Variants in PUM1 observed in about 807,000 individuals in gnomAD.
PUM1 encodes pumilio homolog 1.
PUM1 carries 13 observed loss-of-function variants against 131.8 expected under a neutral mutation model. The ratio of observed to expected loss-of-function variants is 0.10; its 90% CI spans 0.06 to 0.16. The LOEUF (loss-of-function observed/expected upper bound fraction) is 0.16. Among genes scored for constraint, PUM1 ranks in the 10% least tolerant of loss-of-function variants. The probability of loss-of-function intolerance (pLI) is 1.00; values close to 1 mark genes in which losing one functional copy is unlikely to be tolerated. For missense variants in PUM1, 961 were observed against 1,512.4 expected, an observed-to-expected ratio of 0.64 and a Z score of 6.05; for synonymous variants, 509 against 556.5, an observed-to-expected ratio of 0.91 and a Z score of 1.20.
intron 4 of PUM1, 75 bp downstream of exon 4, chr1:31,006,919 A>C: frequency 1.7e-6 from 2 of 1,147,858 alleles, no homozygotes; most frequent in Non-Finnish European, 2.6e-6. Flanking sequence ...TGTAAAATTC[A>C]TGACTTGCCA....
At chr1:30,979,452 A>C (rs1381814583) in intron 9 of PUM1, among the ~76,000 whole-genome samples, 1 of 152,188 alleles carries the variant, frequency 6.6e-6, no homozygotes, top group Admixed American at 6.5e-5. Flanking sequence ...TCCCAACCCT[A>C]GCTAACCCAC....
chr1:30,935,307 C>T (rs1296417021), intron 21 of PUM1, among the ~76,000 whole-genome samples: 1 of 152,228 alleles, frequency 6.6e-6, no homozygotes, highest in Non-Finnish European at 1.5e-5. Flanking sequence ...AGGGTCATCA[C>T]TCTATTAAGT....
intron 5 of PUM1, among the ~76,000 whole-genome samples, chr1:31,001,927 G>C (rs950903666): frequency 6.6e-6 from 1 of 152,192 alleles, no homozygotes; most frequent in Non-Finnish European, 1.5e-5. Flanking sequence ...TTGTCAAAAT[G>C]CAGATTTTGA....
At chr1:30,969,316 C>CAAAAAAAAAAAAAAAAAAAAA (rs763999971) in intron 10 of PUM1, among the ~76,000 whole-genome samples, 3 of 51,178 alleles carry the variant, frequency 5.9e-5, no homozygotes, top group East Asian at 5.1e-4. Context: ...AACACACACA[C>CAAAAAAAAAAAAAAAAAAAAA]AAAAAAAAAA....
At chr1:31,004,556 G>A (rs1321858866) in intron 5 of PUM1, among the ~76,000 whole-genome samples, 1 of 152,202 alleles carries the variant, frequency 6.6e-6, no homozygotes. Context: ...CCCTTGGGAA[G>A]GTTCAAATAA....
At position 30,992,449 on chromosome 1, in the gene PUM1, C is replaced by G; in HGVS notation, c.1099G>C (p.Val367Leu). The G allele has an allele frequency of 6.2e-7, 1 of 1,614,188 alleles. No homozygotes were observed. Among genetic ancestry groups the G allele is most frequent in the African/African-American group, 1.3e-5 (1 of 75,062 alleles). Residue 367 changes from valine (V) to leucine (L), a missense_variant, in exon 7 of 22, where the codon GTA becomes CTA. Coordinates refer to ENST00000426105, the MANE Select transcript of PUM1 (RefSeq NM_001020658.2). ...PLQFDYSGTQ[V>L]PVDSAAATVG... ...GTTGCTGCTGCTGAGTCCACAGGTA[C>G]CTGCGTGCCTGAATAATCAAACTGA...
At chr1:30,991,209 A>G (rs1209694249) in intron 7 of PUM1, among the ~76,000 whole-genome samples, 1 of 152,196 alleles carries the variant, frequency 6.6e-6, no homozygotes, top group Admixed American at 6.5e-5. Flanking sequence ...AGAGAAAAAA[A>G]GCACAGAGAG....
chr1:31,014,297 T>A (rs1642728953), intron 3 of PUM1, among the ~76,000 whole-genome samples: 1 of 80,468 alleles, frequency 1.2e-5, no homozygotes, highest in African/African-American at 5.6e-5. Flanking sequence ...CAAGATCCAG[T>A]CTCCAAAAAA....
intron 1 of PUM1, among the ~76,000 whole-genome samples, chr1:31,060,020 G>C (rs754203063): frequency 2.0e-4 from 28 of 140,616 alleles, no homozygotes; most frequent in Non-Finnish European, 3.4e-4. Context: ...CTAATTTTTT[G>C]TATTTTTAGT....
At chr1:31,006,959 C>T in intron 4 of PUM1, 35 bp downstream of exon 4, 2 of 1,513,190 alleles carry the variant, frequency 1.3e-6, no homozygotes, top group South Asian at 1.1e-5. Flanking sequence ...CTAAGACAGG[C>T]ATAAATCACA....
chr1:31,055,307 C>T, intron 2 of PUM1: 1 of 456,060 alleles, frequency 2.2e-6, no homozygotes, highest in South Asian at 1.5e-5. Context: ...AGACCCACTC[C>T]TTTACCTGAG....
chr1:30,934,017 C>T (rs1004851892), intron 21 of PUM1, among the ~76,000 whole-genome samples: 4 of 152,168 alleles, frequency 2.6e-5, no homozygotes, highest in Non-Finnish European at 5.9e-5. Context: ...GGCTCCTCCA[C>T]GAATCAGGTT....
At chr1:30,948,567 G>A (rs1296487196) in intron 17 of PUM1, among the ~76,000 whole-genome samples, 9 of 152,036 alleles carry the variant, frequency 5.9e-5, no homozygotes, top group East Asian at 1.9e-4. Flanking sequence ...CCTGGGCAAC[G>A]TGGTGAAACC....
At chr1:30,964,652 G>C (rs749959261) in intron 14 of PUM1, 22 bp downstream of exon 14, 18 of 1,564,994 alleles carry the variant, frequency 1.2e-5, no homozygotes, top group Non-Finnish European at 1.4e-5. Context: ...GTTCAAGGTG[G>C]TGTTAGAGTA....
intron 3 of PUM1, 73 bp downstream of exon 3, chr1:31,028,723 C>A: frequency 1.7e-6 from 2 of 1,173,946 alleles, no homozygotes; most frequent in Non-Finnish European, 2.6e-6. Context: ...TAGATTTGGA[C>A]ACATTTGATG....
At chr1:31,048,036 C>T (rs1009336132) in intron 2 of PUM1, among the ~76,000 whole-genome samples, 4 of 151,656 alleles carry the variant, frequency 2.6e-5, no homozygotes, top group African/African-American at 9.7e-5. Flanking sequence ...GTCAGGAGAT[C>T]GAGACCCTCC....
At chr1:30,945,536 C>T in intron 17 of PUM1, 53 bp from the exon 18 acceptor site, 2 of 1,593,068 alleles carry the variant, frequency 1.3e-6, no homozygotes, top group Non-Finnish European at 1.7e-6. Context: ...AACATGTGGA[C>T]AAATAATATT....
intron 20 of PUM1, among the ~76,000 whole-genome samples, chr1:30,938,213 T>G (rs1017584606): frequency 6.6e-6 from 1 of 152,260 alleles, no homozygotes; most frequent in Admixed American, 6.5e-5. Context: ...TTTCAGACAT[T>G]TTTGATGGTG....
At chr1:31,034,301 AC>A (rs1643534294) in intron 2 of PUM1, among the ~76,000 whole-genome samples, 1 of 152,200 alleles carries the variant, frequency 6.6e-6, no homozygotes, top group South Asian at 2.1e-4. Flanking sequence ...CTCAGTTACA[AC>A]AGAGTATCAC....
Sources: allele counts gnomAD v4.1 joint callset (sites outside exome capture counted in the v4.1 genomes callset), GRCh38; gene constraint gnomAD v4.1.1; transcripts MANE v1.5; gene names NCBI Gene and HGNC (gene_info 2026-07-23, HGNC 2026-07-21).